Variants in SAMD13 observed in about 807,000 individuals in gnomAD.
The protein encoded by SAMD13 is sterile alpha motif domain-containing protein 13.
SAMD13 carries 9 observed loss-of-function variants against 12.4 expected under a neutral mutation model. The ratio of observed to expected loss-of-function variants is 0.72; its 90% CI spans 0.44 to 1.26. The LOEUF (loss-of-function observed/expected upper bound fraction) is 1.26, where lower values mean the gene tolerates loss of function less well. SAMD13 is among the 50% of genes most tolerant of loss of function. SAMD13 has a pLI of 0.00. For missense variants in SAMD13, 84 were observed against 119.6 expected (o/e 0.70, Z 1.39); for synonymous variants, 46 against 45.4 (o/e 1.01, Z -0.05).
chr1:84,340,035 A>G (rs1679390076), intron 3 of SAMD13, among the ~76,000 whole-genome samples: 1 of 152,228 alleles, frequency 6.6e-6, no homozygotes, highest in Non-Finnish European at 1.5e-5. Context: ...AATTTGGTAG[A>G]TTCTCAAAAA....
intron 3 of SAMD13, among the ~76,000 whole-genome samples, chr1:84,346,618 C>T (rs960682614): frequency 6.6e-6 from 1 of 152,188 alleles, no homozygotes; most frequent in Non-Finnish European, 1.5e-5. Context: ...GGAGTTGTTC[C>T]TTACGGAAAG....
chr1:84,345,499 C>G (rs1679515978), intron 3 of SAMD13, among the ~76,000 whole-genome samples: 1 of 152,186 alleles, frequency 6.6e-6, no homozygotes, highest in African/African-American at 2.4e-5. Context: ...TCTTCTGATT[C>G]TAAATTGAGC....
upstream of SAMD13, chr1:84,299,728 G>A: frequency 1.5e-6 from 1 of 670,178 alleles, no homozygotes; most frequent in East Asian, 5.9e-5. Context: ...ACCAAAGTTA[G>A]AAACTAGCTG....
chr1:84,338,092 G>A (rs957765468), intron 3 of SAMD13, among the ~76,000 whole-genome samples: 15 of 152,154 alleles, frequency 9.9e-5, no homozygotes, highest in Non-Finnish European at 1.8e-4. Context: ...CAAGTCTCTA[G>A]GAAGTTTCAA....
intron 2 of SAMD13, among the ~76,000 whole-genome samples, chr1:84,317,850 C>T (rs916241696): frequency 1.3e-5 from 2 of 152,164 alleles, no homozygotes; most frequent in African/African-American, 4.8e-5. Context: ...AGATTTTATA[C>T]TACTGATTTA....
intron 3 of SAMD13, among the ~76,000 whole-genome samples, chr1:84,336,525 T>A (rs1427824575): frequency 6.6e-6 from 1 of 152,106 alleles, no homozygotes; most frequent in Non-Finnish European, 1.5e-5. Flanking sequence ...CCATCAGATC[T>A]CCTGAGACTT....
intron 3 of SAMD13, among the ~76,000 whole-genome samples, chr1:84,327,746 A>C (rs1305262931): frequency 3.3e-5 from 5 of 152,206 alleles, no homozygotes; most frequent in Non-Finnish European, 5.9e-5. Flanking sequence ...AAGGGTGACT[A>C]TGTGGACATA....
chr1:84,298,684 A>C (rs1678369114), upstream of SAMD13: 15 of 983,066 alleles, frequency 1.5e-5, no homozygotes, highest in East Asian at 3.3e-5. Context: ...CCAAAAACAC[A>C]TCTTGGCCGT....
chr1:84,338,661 C>T (rs547495376), intron 3 of SAMD13, among the ~76,000 whole-genome samples: 2 of 152,246 alleles, frequency 1.3e-5, no homozygotes, highest in Admixed American at 6.5e-5. Flanking sequence ...TGGTCTCAAA[C>T]TCCTGACCTC....
At chr1:84,301,641 C>T, upstream of SAMD13, 2 of 985,450 alleles carry the variant, frequency 2.0e-6, no homozygotes, top group Non-Finnish European at 2.4e-6. Flanking sequence ...TGATTCCTAA[C>T]GTCATGTTGG....
At chr1:84,309,681 A>G (rs1229476701) in intron 2 of SAMD13, among the ~76,000 whole-genome samples, 1 of 152,180 alleles carries the variant, frequency 6.6e-6, no homozygotes, top group Non-Finnish European at 1.5e-5. Context: ...TTTTATATTC[A>G]GAGTCTTCAA....
intron 3 of SAMD13, chr1:84,344,528 C>T (rs930220908): frequency 4.9e-6 from 1 of 203,482 alleles, no homozygotes; most frequent in Non-Finnish European, 1.0e-5. Context: ...AACTTCTCTC[C>T]AGAAGATACT....
chr1:84,325,774 A>G, intron 3 of SAMD13, 26 bp downstream of exon 3: 1 of 1,399,182 alleles, frequency 7.1e-7, no homozygotes, highest in Non-Finnish European at 1.0e-6. Flanking sequence ...GAAACACGTG[A>G]TGAACATGTG....
chr1:84,344,957 C>G (rs1398446981), intron 3 of SAMD13: 1 of 456,752 alleles, frequency 2.2e-6, no homozygotes, highest in Non-Finnish European at 4.4e-6. Flanking sequence ...ACTATGCATT[C>G]TCAGGATTCT....
chr1:84,306,368 G>A lies in SAMD13; in HGVS notation c.53+3081G>A, dbSNP rs114126318. ...ACTTATTACTTCTAGTAGCTTTTTA[G>A]TAGATTACACCACATTTTGTAACAT... On this transcript the variant is annotated intron_variant, in intron 2 of 3. Transcript: ENST00000394834. 4.9e-3 allele frequency among the ~76,000 whole-genome samples: 739 copies of A among 152,160 alleles called. 9 individuals carry two copies. The highest frequency in any genetic ancestry group is 0.017 in the African/African-American group (685 of 41,502).
intron 2 of SAMD13, among the ~76,000 whole-genome samples, chr1:84,311,690 A>T (rs1198553753): frequency 6.6e-6 from 1 of 152,260 alleles, no homozygotes; most frequent in Non-Finnish European, 1.5e-5. Context: ...TTTTAAAATT[A>T]CAACAAATTC....
At chr1:84,342,902 C>T (rs1377001605) in intron 3 of SAMD13, among the ~76,000 whole-genome samples, 1 of 152,142 alleles carries the variant, frequency 6.6e-6, no homozygotes, top group African/African-American at 2.4e-5. Flanking sequence ...AAGAAACTAT[C>T]ATCAGAGTGA....
At chr1:84,299,596 CT>C, upstream of SAMD13, 3 of 1,516,560 alleles carry the variant, frequency 2.0e-6, no homozygotes. Flanking sequence ...ACACACACAA[CT>C]TTTTATCAGC....
chr1:84,311,332 TAAAA>T (rs757714939), intron 2 of SAMD13, among the ~76,000 whole-genome samples: 2 of 112,246 alleles, frequency 1.8e-5, no homozygotes, highest in Non-Finnish European at 3.7e-5. Context: ...TGAGACTGTC[TAAAA>T]AAAAAAAAAA....
Sources: allele counts gnomAD v4.1 joint callset (sites outside exome capture counted in the v4.1 genomes callset), GRCh38; gene constraint gnomAD v4.1.1; transcripts MANE v1.5; gene names NCBI Gene and HGNC (gene_info 2026-07-23, HGNC 2026-07-21).